Variants in UTS2B observed in about 807,000 individuals in gnomAD.
UTS2B encodes the protein urotensin-2B.
UTS2B carries 21 observed loss-of-function variants against 19.2 expected under a neutral mutation model. The ratio of observed to expected loss-of-function variants is 1.09; its 90% CI spans 0.78 to 1.58. UTS2B has a LOEUF of 1.58. Among genes scored for constraint, UTS2B ranks in the 40% most tolerant of loss-of-function variants. The pLI is 0.00. For synonymous variants in UTS2B, 57 were observed against 50.2 expected (o/e 1.14, Z -0.58); for missense variants, 138 against 130.3 (o/e 1.06, Z -0.29).
chr3:191,315,599 G>C (rs968606044), intron 3 of UTS2B, among the ~76,000 whole-genome samples: 1 of 152,198 alleles, frequency 6.6e-6, no homozygotes, highest in African/African-American at 2.4e-5. Flanking sequence ...CTTCTGTGTT[G>C]ATGATTGTTA....
chr3:191,297,884 T>C (rs1460855250), intron 4 of UTS2B, among the ~76,000 whole-genome samples: 1 of 152,266 alleles, frequency 6.6e-6, no homozygotes, highest in Admixed American at 6.5e-5. Context: ...ATTTACATTG[T>C]CATTCAACAG....
the UTS2B span, among the ~76,000 whole-genome samples, chr3:191,337,203 A>T: frequency 6.6e-6 from 1 of 152,094 alleles, no homozygotes; most frequent in Non-Finnish European, 1.5e-5. Flanking sequence ...AGCCATTTTC[A>T]ATGAAACTTT....
chr3:191,285,267 T>A (rs897684892), intron 4 of UTS2B, among the ~76,000 whole-genome samples: 2 of 152,212 alleles, frequency 1.3e-5, no homozygotes, highest in South Asian at 2.1e-4. Context: ...GCTATCAGCT[T>A]AGGATAGTAT....
chr3:191,270,642 GGT>G (rs561030268), intron 8 of UTS2B, among the ~76,000 whole-genome samples: 41 of 151,966 alleles, frequency 2.7e-4, no homozygotes, highest in Non-Finnish European at 5.3e-4. Flanking sequence ...TATTGTCAGT[GGT>G]TCCAGTTCTA....
chr3:191,335,005 TATTCA>T (rs922746827), upstream of UTS2B, among the ~76,000 whole-genome samples: 4 of 152,204 alleles, frequency 2.6e-5, no homozygotes, highest in African/African-American at 9.6e-5. Flanking sequence ...TTCTCTGGTA[TATTCA>T]TTCTAAAGAG....
At chr3:191,319,598 A>C (rs1717558080) in intron 2 of UTS2B, among the ~76,000 whole-genome samples, 1 of 151,680 alleles carries the variant, frequency 6.6e-6, no homozygotes, top group Non-Finnish European at 1.5e-5. Flanking sequence ...GGTGACTCTT[A>C]TGTGTAATCC....
chr3:191,339,706 T>A, the UTS2B span, among the ~76,000 whole-genome samples: 1 of 152,316 alleles, frequency 6.6e-6, no homozygotes, highest in East Asian at 1.9e-4. Context: ...GGAAAACCTT[T>A]TAGTAAATGT....
intron 3 of UTS2B, among the ~76,000 whole-genome samples, chr3:191,305,618 C>T (rs937797928): frequency 6.6e-6 from 1 of 151,960 alleles, no homozygotes; most frequent in Non-Finnish European, 1.5e-5. Context: ...AGGTTATTTA[C>T]TCTGTTGATA....
chr3:191,300,032 T>G (rs1218627846), intron 4 of UTS2B, among the ~76,000 whole-genome samples: 1 of 152,124 alleles, frequency 6.6e-6, no homozygotes, highest in African/African-American at 2.4e-5. Context: ...TTTTAACATT[T>G]TTTTTTATAT....
intron 1 of UTS2B, 118 bp downstream of exon 1, chr3:191,330,296 A>C (rs1452786336): frequency 2.2e-5 from 3 of 137,040 alleles, no homozygotes; most frequent in Non-Finnish European, 3.2e-5. Context: ...TTACAAACAA[A>C]ACACACACAC....
chr3:191,324,316 C>G (rs1203821838), intron 2 of UTS2B, among the ~76,000 whole-genome samples: 2 of 152,120 alleles, frequency 1.3e-5, no homozygotes, highest in Admixed American at 6.5e-5. Context: ...TATAAATTAC[C>G]AGTTTCAGAT....
At chr3:191,296,009 A>G (rs887494331) in intron 4 of UTS2B, among the ~76,000 whole-genome samples, 1 of 152,196 alleles carries the variant, frequency 6.6e-6, no homozygotes, top group African/African-American at 2.4e-5. Flanking sequence ...ATCAGTCTGT[A>G]ATACTACCAT....
chr3:191,285,198 TA>T (rs1263461322), intron 4 of UTS2B, among the ~76,000 whole-genome samples: 1 of 149,228 alleles, frequency 6.7e-6, no homozygotes, highest in African/African-American at 2.4e-5. Context: ...ATCAAAAACA[TA>T]AAATATGAGG....
In UTS2B at chr3:191,302,146, G is replaced by A. The variant is rs144286104; in HGVS notation, c.-125+2346C>T. 4.0e-4 allele frequency among the ~76,000 whole-genome samples: 61 copies of A among 152,234 alleles called. 1 individual carries two copies. Among genetic ancestry groups the A allele is most frequent in the African/African-American group, 1.3e-3 (53 of 41,542 alleles). On this transcript the variant is annotated intron_variant, in intron 4 of 8. Transcript: ENST00000340524. ...CAAAACCCACCAAATTCAAGATTGC[G>A]CTGAAAGTCACCTCCGGCCATCCTC...
chr3:191,269,235 G>GAA (rs1478814606), intron 8 of UTS2B, among the ~76,000 whole-genome samples: 1 of 152,156 alleles, frequency 6.6e-6, no homozygotes, highest in Admixed American at 6.5e-5. Flanking sequence ...AAAAAGAGTT[G>GAA]AAAAACATAT....
intron 5 of UTS2B, among the ~76,000 whole-genome samples, chr3:191,280,354 G>A (rs74761810): frequency 2.3e-3 from 353 of 152,188 alleles, no homozygotes; most frequent in Non-Finnish European, 1.6e-3. Context: ...AAGTGGGGAG[G>A]ATTGTGCCAT....
At chr3:191,314,608 C>A (rs1717397610) in intron 3 of UTS2B, among the ~76,000 whole-genome samples, 1 of 152,108 alleles carries the variant, frequency 6.6e-6, no homozygotes, top group South Asian at 2.1e-4. Context: ...CCCTATGTAG[C>A]TTTGAGGAGT....
chr3:191,305,103 A>G (rs1334569383), intron 3 of UTS2B, among the ~76,000 whole-genome samples: 1 of 152,186 alleles, frequency 6.6e-6, no homozygotes, highest in African/African-American at 2.4e-5. Context: ...TGTCTTTGCT[A>G]CTGTGAATAC....
the UTS2B span, among the ~76,000 whole-genome samples, chr3:191,342,114 G>C: frequency 6.6e-6 from 1 of 152,172 alleles, no homozygotes; most frequent in Admixed American, 6.5e-5. Flanking sequence ...CCTAACAGTG[G>C]AATTGCAGAA....
Sources: allele counts gnomAD v4.1 joint callset (sites outside exome capture counted in the v4.1 genomes callset), GRCh38; gene constraint gnomAD v4.1.1; transcripts MANE v1.5; gene names NCBI Gene and HGNC (gene_info 2026-07-23, HGNC 2026-07-21).